WWOX: variants seen among roughly 807,000 people sequenced by gnomAD.
WWOX encodes WW domain-containing oxidoreductase.
Under a neutral mutation model 46.2 loss-of-function variants are expected in WWOX, and 69 were observed. The observed-to-expected ratio is 1.49, with a 90% CI of 1.23 to 1.82. The LOEUF (loss-of-function observed/expected upper bound fraction) is 1.82, where lower values mean the gene tolerates loss of function less well. Ranked by LOEUF, WWOX falls within the 40% of genes most tolerant of loss-of-function variation. The pLI is 0.00. For missense variants in WWOX, 919 were observed against 542.6 expected (o/e 1.69, Z -6.89); for synonymous variants, 359 against 202.6 (o/e 1.77, Z -6.56).
At chr16:78,499,367 C>A (rs764946926) in intron 8 of WWOX, among the ~76,000 whole-genome samples, 2 of 152,192 alleles carry the variant, frequency 1.3e-5, no homozygotes, top group African/African-American at 2.4e-5. Context: ...GACCCCCTGG[C>A]TGTCCACCAG....
intron 5 of WWOX, among the ~76,000 whole-genome samples, chr16:78,320,486 C>A (rs2080444800): frequency 6.6e-6 from 1 of 152,128 alleles, no homozygotes. Context: ...TTGGTTAATT[C>A]ATACTGATAA....
chr16:78,823,111 T>C (rs938859632), intron 8 of WWOX, among the ~76,000 whole-genome samples: 2 of 152,236 alleles, frequency 1.3e-5, no homozygotes, highest in East Asian at 3.8e-4. Flanking sequence ...TCAAATTAAA[T>C]CTTAAATTGA....
intron 5 of WWOX, among the ~76,000 whole-genome samples, chr16:78,287,161 G>A (rs1188946292): frequency 2.0e-5 from 3 of 152,220 alleles, no homozygotes; most frequent in Non-Finnish European, 4.4e-5. Flanking sequence ...ACGCCATAAG[G>A]ACAATAAAAT....
At chr16:78,593,801 G>T (rs1282945599) in intron 8 of WWOX, among the ~76,000 whole-genome samples, 1 of 151,984 alleles carries the variant, frequency 6.6e-6, no homozygotes, top group Non-Finnish European at 1.5e-5. Context: ...ATGAAACAAA[G>T]ATAGAGCTAG....
intron 8 of WWOX, among the ~76,000 whole-genome samples, chr16:78,894,909 A>T (rs142735340): frequency 6.6e-6 from 1 of 152,186 alleles, no homozygotes; most frequent in Admixed American, 6.5e-5. Context: ...ATCAGAAATT[A>T]TCTGATGACG....
intron 8 of WWOX, among the ~76,000 whole-genome samples, chr16:79,092,414 G>A (rs919034102): frequency 6.6e-6 from 1 of 152,152 alleles, no homozygotes; most frequent in South Asian, 2.1e-4. Context: ...ATATCACTTA[G>A]TTGTTCCAAC....
At chr16:78,717,579 G>A (rs894499094) in intron 8 of WWOX, among the ~76,000 whole-genome samples, 1 of 152,156 alleles carries the variant, frequency 6.6e-6, no homozygotes, top group East Asian at 1.9e-4. Context: ...GTTTCCTGGT[G>A]GAAGAGATTA....
chr16:78,937,238 T>A (rs1261588630), intron 8 of WWOX, among the ~76,000 whole-genome samples: 2 of 152,102 alleles, frequency 1.3e-5, no homozygotes, highest in Non-Finnish European at 2.9e-5. Context: ...TAATAGTATT[T>A]CAAATTTACC....
chr16:78,312,299 A>C (rs912436908), intron 5 of WWOX, among the ~76,000 whole-genome samples: 6 of 150,996 alleles, frequency 4.0e-5, no homozygotes, highest in African/African-American at 1.5e-4. Context: ...GGGTAATTTT[A>C]GCTTCTTTCT....
intron 8 of WWOX, among the ~76,000 whole-genome samples, chr16:78,949,766 T>C (rs1178483682): frequency 2.0e-5 from 3 of 152,224 alleles, no homozygotes. Context: ...GTTTTCCTCT[T>C]GAAGGATTGA....
chr16:78,975,989 TG>T (rs2046565012), intron 8 of WWOX, among the ~76,000 whole-genome samples: 1 of 152,198 alleles, frequency 6.6e-6, no homozygotes, highest in African/African-American at 2.4e-5. Flanking sequence ...TGGAAACCTT[TG>T]CAAAGTCTTT....
At chr16:78,612,894 T>C (rs906550794) in intron 8 of WWOX, among the ~76,000 whole-genome samples, 25 of 152,010 alleles carry the variant, frequency 1.6e-4, no homozygotes, top group African/African-American at 6.0e-4. Flanking sequence ...GTAACATGAG[T>C]GCTCAAGAAA....
intron 8 of WWOX, among the ~76,000 whole-genome samples, chr16:78,570,907 A>T (rs943189666): frequency 2.0e-5 from 3 of 152,174 alleles, no homozygotes; most frequent in Non-Finnish European, 4.4e-5. Context: ...AGGAGCTGGC[A>T]GTGTGAATAG....
At chr16:78,659,081 G>C (rs2047148577) in intron 8 of WWOX, among the ~76,000 whole-genome samples, 1 of 148,140 alleles carries the variant, frequency 6.8e-6, no homozygotes, top group Admixed American at 6.7e-5. Context: ...AATAGAGTGA[G>C]AATCCGTCTC....
intron 8 of WWOX, among the ~76,000 whole-genome samples, chr16:78,972,225 A>G (rs973340601): frequency 3.3e-5 from 5 of 152,272 alleles, no homozygotes; most frequent in Non-Finnish European, 7.4e-5. Context: ...GCGTTCAGAC[A>G]AAGAGCCAAA....
chr16:78,805,958 A>G (rs2051024076), intron 8 of WWOX, among the ~76,000 whole-genome samples: 2 of 152,200 alleles, frequency 1.3e-5, no homozygotes, highest in South Asian at 2.1e-4. Flanking sequence ...ATGCCACCCT[A>G]TAATCTCGAG....
intron 5 of WWOX, among the ~76,000 whole-genome samples, chr16:78,236,680 C>T (rs1020759386): frequency 2.6e-5 from 4 of 152,234 alleles, no homozygotes; most frequent in South Asian, 4.2e-4. Context: ...TATCAAAAAG[C>T]GTGACTAGAG....
intron 8 of WWOX, among the ~76,000 whole-genome samples, chr16:78,783,900 T>C (rs552524983): frequency 0.017 from 2,545 of 151,882 alleles, 72 homozygotes; most frequent in African/African-American, 0.058. Flanking sequence ...ATGATGGTGA[T>C]GACGATGGTG....
chr16:78,164,569 T>G (rs1468399144), intron 5 of WWOX, among the ~76,000 whole-genome samples: 2 of 152,198 alleles, frequency 1.3e-5, no homozygotes, highest in African/African-American at 4.8e-5. Flanking sequence ...AAATAAAACG[T>G]GGTGAACGCC....
Sources: gnomAD v4.1 joint callset for allele counts (sites outside exome capture counted in the v4.1 genomes callset) on GRCh38, gnomAD v4.1.1 for gene constraint, MANE v1.5 for transcripts, NCBI Gene and HGNC (gene_info 2026-07-23, HGNC 2026-07-21) for gene names.